MACROD2: variants seen among roughly 807,000 people sequenced by gnomAD.
The protein encoded by MACROD2 is ADP-ribose glycohydrolase MACROD2.
In MACROD2, 36 loss-of-function variants were observed where a neutral mutation model predicts 70.4. The ratio of observed to expected loss-of-function variants is 0.51; its 90% CI spans 0.39 to 0.68. The LOEUF is 0.68. Ranked by LOEUF, MACROD2 falls within the 30% of genes least tolerant of loss-of-function variation. The pLI is 0.00. For missense variants in MACROD2, 496 were observed against 538.4 expected, an observed-to-expected ratio of 0.92 and a Z score of 0.78; for synonymous variants, 172 against 178.8, an observed-to-expected ratio of 0.96 and a Z score of 0.30.
intron 5 of MACROD2, among the ~76,000 whole-genome samples, chr20:14,727,460 G>C (rs1265402270): frequency 6.6e-6 from 1 of 152,062 alleles, no homozygotes. Flanking sequence ...ATTTGAGCCT[G>C]GGAGGTTGAA....
chr20:14,152,133 T>C (rs1399346698), intron 3 of MACROD2, among the ~76,000 whole-genome samples: 2 of 152,166 alleles, frequency 1.3e-5, no homozygotes, highest in Non-Finnish European at 2.9e-5. Context: ...TTGTCTTGTA[T>C]CTTAACACTC....
intron 8 of MACROD2, among the ~76,000 whole-genome samples, chr20:15,522,777 A>G (rs1201030304): frequency 6.6e-6 from 1 of 152,200 alleles, no homozygotes. Context: ...AACTGGTGCT[A>G]ACTGCTGGGT....
At chr20:15,717,845 T>A (rs1291818811) in intron 8 of MACROD2, among the ~76,000 whole-genome samples, 1 of 151,960 alleles carries the variant, frequency 6.6e-6, no homozygotes, top group Non-Finnish European at 1.5e-5. Context: ...TTCAAGGAGA[T>A]CTGCTGTAAA....
At chr20:14,180,841 C>T (rs2081299704) in intron 3 of MACROD2, among the ~76,000 whole-genome samples, 1 of 151,930 alleles carries the variant, frequency 6.6e-6, no homozygotes, top group South Asian at 2.1e-4. Flanking sequence ...AATTACAATA[C>T]AAATCAAGTG....
At chr20:14,638,362 AT>A (rs1212395219) in intron 4 of MACROD2, among the ~76,000 whole-genome samples, 5 of 150,266 alleles carry the variant, frequency 3.3e-5, no homozygotes, top group Admixed American at 1.3e-4. Flanking sequence ...CAGTCCTGGG[AT>A]TTTTTTTTTC....
intron 13 of MACROD2, among the ~76,000 whole-genome samples, chr20:15,984,386 T>G (rs1228009577): frequency 6.6e-6 from 1 of 152,292 alleles, no homozygotes; most frequent in East Asian, 1.9e-4. Flanking sequence ...TATATTTTAC[T>G]TTTCTTATAC....
intron 8 of MACROD2, among the ~76,000 whole-genome samples, chr20:15,745,493 C>T (rs73246214): frequency 0.07 from 10,663 of 152,106 alleles, 1,249 homozygotes; most frequent in African/African-American, 0.24. Context: ...CAAGAATTCT[C>T]TCTATAGCCT....
At chr20:15,679,977 T>C (rs978286863) in intron 8 of MACROD2, among the ~76,000 whole-genome samples, 2 of 152,246 alleles carry the variant, frequency 1.3e-5, no homozygotes, top group African/African-American at 4.8e-5. Context: ...TGCAGGAATC[T>C]TATTTTTACT....
chr20:14,992,212 G>A (rs962605852), intron 5 of MACROD2, among the ~76,000 whole-genome samples: 2 of 152,150 alleles, frequency 1.3e-5, no homozygotes, highest in Non-Finnish European at 2.9e-5. Context: ...CTTAAAAATA[G>A]AAATTTCTCA....
At chr20:14,764,564 G>A (rs2072060777) in intron 5 of MACROD2, among the ~76,000 whole-genome samples, 1 of 152,020 alleles carries the variant, frequency 6.6e-6, no homozygotes, top group Non-Finnish European at 1.5e-5. Flanking sequence ...TAAACTACCT[G>A]TGAGGACCAG....
chr20:16,021,818 C>A (rs1411097753), intron 15 of MACROD2, among the ~76,000 whole-genome samples: 1 of 152,156 alleles, frequency 6.6e-6, no homozygotes, highest in Non-Finnish European at 1.5e-5. Flanking sequence ...CACTCTGACT[C>A]CAGGGTCTTT....
At chr20:15,704,294 A>T (rs1040484216) in intron 8 of MACROD2, among the ~76,000 whole-genome samples, 1 of 152,188 alleles carries the variant, frequency 6.6e-6, no homozygotes, top group African/African-American at 2.4e-5. Flanking sequence ...CATTATCAAT[A>T]TCACACATTT....
chr20:16,028,634 T>C (rs1279038944), intron 15 of MACROD2, among the ~76,000 whole-genome samples: 1 of 152,172 alleles, frequency 6.6e-6, no homozygotes, highest in African/African-American at 2.4e-5. Context: ...AACTAATACA[T>C]GAAAATTTCT....
chr20:16,025,408 T>C (rs1797185012), intron 15 of MACROD2, among the ~76,000 whole-genome samples: 1 of 152,174 alleles, frequency 6.6e-6, no homozygotes, highest in African/African-American at 2.4e-5. Context: ...AAAAGATTCT[T>C]GACTATGGGA....
At chr20:15,606,175 A>G (rs1470803267) in intron 8 of MACROD2, among the ~76,000 whole-genome samples, 1 of 152,098 alleles carries the variant, frequency 6.6e-6, no homozygotes, top group Non-Finnish European at 1.5e-5. Flanking sequence ...GAAAAAGGCA[A>G]ATTCACTATG....
intron 5 of MACROD2, among the ~76,000 whole-genome samples, chr20:15,009,347 G>A (rs2075063968): frequency 6.6e-6 from 1 of 152,064 alleles, no homozygotes; most frequent in Admixed American, 6.6e-5. Context: ...CATTATATAA[G>A]ATTTATAAAG....
chr20:14,841,070 AT>A (rs1424778037), intron 5 of MACROD2, among the ~76,000 whole-genome samples: 1 of 152,122 alleles, frequency 6.6e-6, no homozygotes, highest in Non-Finnish European at 1.5e-5. Context: ...TTAATGTTAA[AT>A]TTTTTTATTG....
intron 8 of MACROD2, among the ~76,000 whole-genome samples, chr20:15,607,143 T>C (rs2048905368): frequency 6.6e-6 from 1 of 152,136 alleles, no homozygotes; most frequent in South Asian, 2.1e-4. Flanking sequence ...TAGCAAGACC[T>C]AATTGCTACC....
chr20:14,982,139 C>G (rs1448741537), intron 5 of MACROD2, among the ~76,000 whole-genome samples: 1 of 152,046 alleles, frequency 6.6e-6, no homozygotes, highest in East Asian at 1.9e-4. Context: ...GTATTTTGTC[C>G]CTGCCCTAGA....
Sources: gnomAD v4.1 joint callset for allele counts (sites outside exome capture counted in the v4.1 genomes callset) on GRCh38, gnomAD v4.1.1 for gene constraint, MANE v1.5 for transcripts, NCBI Gene and HGNC (gene_info 2026-07-23, HGNC 2026-07-21) for gene names.